Variants in GATA4 observed in about 807,000 individuals in gnomAD.
GATA4 encodes the protein GATA binding protein 4, also known as transcription factor GATA-4.
GATA4 carries 7 observed loss-of-function variants against 37.9 expected under a neutral mutation model. That is an observed-to-expected ratio of 0.18 (90% confidence interval 0.11 to 0.35). The LOEUF (loss-of-function observed/expected upper bound fraction) is 0.35, where lower values mean the gene tolerates loss of function less well. GATA4 is among the 10% of genes least tolerant of loss of function. The probability of loss-of-function intolerance (pLI) is 1.00; values close to 1 mark genes in which losing one functional copy is unlikely to be tolerated. For missense variants in GATA4, 647 were observed against 653.0 expected (o/e 0.99, Z 0.10); for synonymous variants, 372 against 292.6 (o/e 1.27, Z -2.77).
At chr8:11,753,591 G>A (rs943226962) in intron 4 of GATA4, among the ~76,000 whole-genome samples, 2 of 152,000 alleles carry the variant, frequency 1.3e-5, no homozygotes, top group African/African-American at 2.4e-5. Context: ...GCATAGCTAG[G>A]GGGATGGGGT....
intron 2 of GATA4, among the ~76,000 whole-genome samples, chr8:11,740,557 C>T (rs1211026561): frequency 6.6e-6 from 1 of 152,240 alleles, no homozygotes; most frequent in Non-Finnish European, 1.5e-5. Flanking sequence ...TAGCTTCCCA[C>T]ATGGAGGCCC....
rs1464597752 is a variant in GATA4 at position 11,708,165 on chromosome 8, C to A, written c.-148C>A. The A allele has an allele frequency of 2.3e-6, 2 of 851,594 alleles. No homozygotes were observed. Among genetic ancestry groups the A allele is most frequent in the Admixed American group, 2.0e-5 (1 of 50,018 alleles). The allele number at this position is 851,594 out of a possible 1,614,324, so 52.8% of individuals were successfully genotyped here. A position where few individuals can be genotyped will look rare whatever the true frequency, so the allele number is the denominator to read the frequency against. ...GATTTAATACGTATATATTTTTAAGCGAGTTGGTTTTTTCCCCTTTGATTT... is the reference window on the plus strand; with the variant it reads ...GATTTAATACGTATATATTTTTAAGAGAGTTGGTTTTTTCCCCTTTGATTT... On this transcript the variant is annotated 5_prime_UTR_variant, in exon 2 of 7. Transcript: ENST00000532059. The surrounding 1 kb of genome is among the most constrained non-coding windows in gnomAD (Gnocchi z 6.7).
rs1224215329 is a variant in GATA4 at position 11,759,620 on chromosome 8, T to C, written c.*1145T>C. 2 of 152,332 alleles carry C rather than the reference T, an allele frequency of 1.3e-5. No homozygotes were observed. The highest frequency in any genetic ancestry group is 2.9e-5 in the Non-Finnish European group (2 of 68,108). The allele number at this position is 152,332 out of a possible 1,614,324, so 9.4% of individuals were successfully genotyped here. Reference sequence around the variant, plus strand: ...ACAGAATTCCTGGAAAGAAGACGACTGCTAAGACACGGCAGGGGGGCCTGG... The same window carrying C: ...ACAGAATTCCTGGAAAGAAGACGACCGCTAAGACACGGCAGGGGGGCCTGG... On this transcript the variant is annotated 3_prime_UTR_variant, in exon 7 of 7. Coordinates refer to ENST00000532059, the MANE Select transcript of GATA4 (RefSeq NM_001308093.3).
At chr8:11,757,755 C>T (rs993362428) in intron 6 of GATA4, among the ~76,000 whole-genome samples, 1 of 152,216 alleles carries the variant, frequency 6.6e-6, no homozygotes, top group Non-Finnish European at 1.5e-5. Context: ...CTCGGCCTCC[C>T]TGCCTCCTCC....
At chr8:11,739,093 T>G (rs1274353595) in intron 2 of GATA4, among the ~76,000 whole-genome samples, 2 of 152,228 alleles carry the variant, frequency 1.3e-5, no homozygotes, top group Non-Finnish European at 2.9e-5. Flanking sequence ...TACTTTGTAC[T>G]TTTTCTTTCC....
upstream of GATA4, among the ~76,000 whole-genome samples, chr8:11,699,704 G>A (rs900156363): frequency 6.6e-6 from 1 of 152,262 alleles, no homozygotes; most frequent in African/African-American, 2.4e-5. Context: ...CCTAGCCTCA[G>A]CTACGCTGGA....
intron 1 of GATA4, among the ~76,000 whole-genome samples, chr8:11,695,826 A>G (rs1423916783): frequency 1.3e-5 from 2 of 152,226 alleles, no homozygotes. Context: ...TGTTTGTGCC[A>G]TACATGCTCA....
rs907856430 is a variant in GATA4 at position 11,709,020 on chromosome 8, C to T, written c.616+92C>T. ...GGGCCTCTTGTTTTTCCACCAACGC[C>T]TTCGTTGGGCTGGGGATGGTGCTTC... On this transcript the variant is annotated intron_variant, in intron 2 of 6. Coordinates refer to ENST00000532059, the MANE Select transcript of GATA4 (RefSeq NM_001308093.3). This position sits in a 1 kb window ranked among gnomAD's most constrained non-coding sequence, Gnocchi z 4.3. The T allele has an allele frequency of 8.6e-6, 11 of 1,277,630 alleles. No homozygotes were observed. Among genetic ancestry groups the T allele is most frequent in the Non-Finnish European group, 2.1e-6 (2 of 963,056 alleles). 79.1% of individuals were successfully genotyped at this position (1,277,630 alleles called of 1,614,324 possible).
intron 2 of GATA4, among the ~76,000 whole-genome samples, chr8:11,721,437 G>T (rs947982176): frequency 3.3e-5 from 5 of 151,260 alleles, no homozygotes; most frequent in Non-Finnish European, 7.4e-5. Context: ...TAGCGCTTTG[G>T]TTATGGTATA....
Position 11,750,122 on chromosome 8 carries a change from C to G in GATA4, c.798C>G (p.Arg266=). ...TTCCTGTCTTGCAGTCCGCCTCCCG[C>G]CGAGTGGGCCTCTCCTGTGCCAACT... ...IKPQRRLSAS[R]RVGLSCANCQ... is the part of the protein sequence containing the mutation. Residue 266 remains arginine, a synonymous_variant, in exon 4 of 7, where the codon CGC becomes CGG. Coordinates refer to ENST00000532059, the MANE Select transcript of GATA4 (RefSeq NM_001308093.3). 2 of 1,614,154 alleles carry G rather than the reference C, an allele frequency of 1.2e-6. No homozygotes were observed. The highest frequency in any genetic ancestry group is 1.7e-6 in the Non-Finnish European group (2 of 1,180,046).
chr8:11,722,255 A>G (rs1031242438), intron 2 of GATA4, among the ~76,000 whole-genome samples: 21 of 152,324 alleles, frequency 1.4e-4, no homozygotes, highest in African/African-American at 4.8e-4. Context: ...TGTTTAATCT[A>G]TACATTACTC....
At chr8:11,756,670 A>G (rs1378769141) in intron 5 of GATA4, 10 of 549,180 alleles carry the variant, frequency 1.8e-5, no homozygotes, top group African/African-American at 1.5e-4. Context: ...AAAAATGTGA[A>G]TCTTCAAGTT....
chr8:11,725,964 C>G (rs1487774650), intron 2 of GATA4, among the ~76,000 whole-genome samples: 2 of 152,234 alleles, frequency 1.3e-5, no homozygotes, highest in Non-Finnish European at 2.9e-5. Flanking sequence ...AGCCTGTGGC[C>G]TCTGTTCTCA....
chr8:11,739,566 A>G (rs1801624169), intron 2 of GATA4, among the ~76,000 whole-genome samples: 1 of 151,410 alleles, frequency 6.6e-6, no homozygotes, highest in Admixed American at 6.6e-5. Flanking sequence ...GATAATTCTC[A>G]CAGCTGAATT....
intron 1 of GATA4, chr8:11,698,094 G>T (rs994986255): frequency 2.4e-6 from 2 of 822,606 alleles, no homozygotes; most frequent in African/African-American, 1.9e-5. Flanking sequence ...TCTGGCGTCC[G>T]TCCTCTCCCA....
intron 2 of GATA4, among the ~76,000 whole-genome samples, chr8:11,744,616 T>A (rs773432157): frequency 6.6e-6 from 1 of 152,250 alleles, no homozygotes; most frequent in Admixed American, 6.5e-5. Flanking sequence ...GATTTAACAT[T>A]GTAGGGCCAA....
At chr8:11,752,321 C>T (rs1585692460) in intron 4 of GATA4, among the ~76,000 whole-genome samples, 1 of 152,074 alleles carries the variant, frequency 6.6e-6, no homozygotes, top group East Asian at 1.9e-4. Context: ...TAAAGACATA[C>T]CCAAAATTAA....
intron 2 of GATA4, among the ~76,000 whole-genome samples, chr8:11,720,369 T>C (rs761448933): frequency 2.6e-5 from 4 of 152,100 alleles, no homozygotes; most frequent in Non-Finnish European, 5.9e-5. Context: ...TGCTTGCCTG[T>C]GTCAGGTAGG....
chr8:11,710,931 T>C lies in GATA4; in HGVS notation c.616+2003T>C, dbSNP rs565550293. On this transcript the variant is annotated intron_variant, in intron 2 of 6. Transcript: ENST00000532059. ...GGTCAGGAGTTCCTGGCCAACATGG[T>C]GAAACCCCATCTCTACTAAAAATAC... 4.6e-5 allele frequency among the ~76,000 whole-genome samples: 7 copies of C among 151,934 alleles called. No homozygotes were observed. In the East Asian group the frequency reaches 1.4e-3, roughly 30 times the overall value.
Sources: gnomAD v4.1 joint callset for allele counts (sites outside exome capture counted in the v4.1 genomes callset) on GRCh38, gnomAD v4.1.1 for gene constraint, Gnocchi (gnomAD v3.1) non-coding constraint, MANE v1.5 for transcripts, NCBI Gene and HGNC (gene_info 2026-07-23, HGNC 2026-07-21) for gene names.